The following GYS1 variants were observed in gnomAD, a reference collection of about 807,000 sequenced individuals.
GYS1 encodes the protein glycogen [starch] synthase, muscle.
In GYS1, 60 loss-of-function variants were observed where a neutral mutation model predicts 89.1. The ratio of observed to expected loss-of-function variants is 0.67; its 90% confidence interval spans 0.55 to 0.84. The LOEUF (loss-of-function observed/expected upper bound fraction) is 0.84. Among genes scored for constraint, GYS1 ranks in the 40% least tolerant of loss-of-function variants. The probability of loss-of-function intolerance (pLI) is 0.00; values close to 1 mark genes in which losing one functional copy is unlikely to be tolerated. For missense variants in GYS1, 888 were observed against 1,003.1 expected (o/e 0.89, Z 1.55); for synonymous variants, 366 against 401.7 (o/e 0.91, Z 1.06).
chr19:48,985,861 T>C lies in GYS1; in HGVS notation c.667A>G (p.Asn223Asp). 1 of 1,613,402 alleles carries C rather than the reference T, an allele frequency of 6.2e-7. No individual in the cohort carries two copies. Among genetic ancestry groups the C allele is most frequent in the South Asian group, 1.1e-5 (1 of 91,046 alleles). Residue 223 changes from asparagine (N) to aspartate (D), a missense_variant, in exon 4 of 16, where the codon AAC (asparagine) becomes GAC (aspartate). By Grantham distance (23) the Asn-to-Asp change is conservative (BLOSUM62 1). Coordinates refer to ENST00000323798, the MANE Select transcript of GYS1 (RefSeq NM_002103.5). The part of the protein sequence containing the change: ...LCAGAVDFYN[N>D]LENFNVDKEA... ...CGGTCCCAGCTCACGTTCTCCAGGTTGTTGTAGAAGTCCACGGCACCGGCA... is the reference window on the plus strand; with the variant it reads ...CGGTCCCAGCTCACGTTCTCCAGGTCGTTGTAGAAGTCCACGGCACCGGCA...
intron 12 of GYS1, among the ~76,000 whole-genome samples, chr19:48,973,505 A>ATTTTT (rs34032782): frequency 4.1e-5 from 5 of 120,606 alleles, no homozygotes; most frequent in South Asian, 2.6e-4. Context: ...TTTAGCTTTA[A>ATTTTT]TTTTTTTTTT....
At chr19:48,988,105 T>C (rs924825942) in intron 2 of GYS1, among the ~76,000 whole-genome samples, 3 of 152,142 alleles carry the variant, frequency 2.0e-5, no homozygotes, top group Non-Finnish European at 4.4e-5. Flanking sequence ...CCCAGCCTCC[T>C]GTTTAATTCC....
intron 10 of GYS1, among the ~76,000 whole-genome samples, chr19:48,975,238 T>TTTA (rs1568618530): frequency 1.3e-5 from 2 of 150,636 alleles, no homozygotes; most frequent in South Asian, 2.1e-4. Context: ...GCCTAATTTT[T>TTTA]TTTTTTTTTT....
In GYS1 at chr19:48,981,460, G is replaced by C. The variant is rs1600142876; in HGVS notation, c.1169+70C>G. 9 of 860,822 alleles carry C rather than the reference G, an allele frequency of 1.0e-5. No individual in the cohort carries two copies. The Admixed American group carries it at 1.4e-4, about 13-fold the overall frequency. 53.3% of individuals were successfully genotyped at this position (860,822 alleles called of 1,614,324 possible). On this transcript the variant is annotated intron_variant, in intron 8 of 15. Coordinates refer to ENST00000323798, the MANE Select transcript of GYS1 (RefSeq NM_002103.5). Reference sequence around the variant, plus strand: ...ACAAAACAAAAAACTGAGACTCTAGGAGAAACACAGGACCCAAAGCATGCA... The same window carrying C: ...ACAAAACAAAAAACTGAGACTCTAGCAGAAACACAGGACCCAAAGCATGCA...
chr19:48,987,145 T>C (rs2038853953), intron 3 of GYS1, 49 bp downstream of exon 3: 2 of 1,331,002 alleles, frequency 1.5e-6, no homozygotes, highest in Non-Finnish European at 2.2e-6. Context: ...CAGGGGCTGA[T>C]GGTCATTGTA....
chr19:48,973,278 A>T (rs76389034), intron 12 of GYS1, among the ~76,000 whole-genome samples: 5,131 of 152,020 alleles, frequency 0.034, 287 homozygotes, highest in African/African-American at 0.12. Flanking sequence ...AGACATGTGG[A>T]ACGGTGAGTC....
Position 48,984,918 on chromosome 19 carries a change from TTTG to T in GYS1, c.823+540_823+542del, listed in dbSNP as rs561115759. On this transcript the variant is annotated intron_variant, in intron 5 of 15. Coordinates refer to ENST00000323798, the MANE Select transcript of GYS1 (RefSeq NM_002103.5). ...ATAAATAAAAATAAAATAAAACAGA[TTTG>T]TATTGGATGATTTTGCCCAGTCGTA... is the stretch of plus-strand genomic sequence containing the variant. 2.4e-3 allele frequency among the ~76,000 whole-genome samples: 356 copies of T among 150,746 alleles called. 1 individual carries two copies. Among genetic ancestry groups the T allele is most frequent in the Non-Finnish European group, 2.0e-3 (136 of 67,914 alleles).
chr19:48,968,205 C>T lies in GYS1; in HGVS notation c.*1083G>A, dbSNP rs1159996434. The stretch of plus-strand genomic sequence containing the variant: ...TCACACCCCTCCTGCCCTCCCCTCT[C>T]AACTGCAAACCAAGCGGTGCAGACA... On this transcript the variant is annotated 3_prime_UTR_variant, in exon 16 of 16. Transcript: ENST00000323798. The T allele has an allele frequency of 2.2e-6, 1 of 454,232 alleles. No individual in the cohort carries two copies. The highest frequency in any genetic ancestry group is 2.0e-5 in the African/African-American group (1 of 50,142). 28.1% of individuals were successfully genotyped at this position (454,232 alleles called of 1,614,324 possible).
intron 12 of GYS1, 136 bp downstream of exon 12, chr19:48,974,077 G>C: frequency 1.1e-6 from 1 of 928,674 alleles, no homozygotes; most frequent in Non-Finnish European, 1.7e-6. Context: ...ACGCGCTGTA[G>C]CAGAACAGGT....
At position 48,991,575 on chromosome 19, in the gene GYS1, A is replaced by G. The variant is rs755972882; in HGVS notation, c.119-92T>C. ...TGGGCCGGGGATGTAGGGGGCACTC[A>G]GGCCCCAGACCTCTAGCTCAGGGGG... On this transcript the variant is annotated intron_variant, in intron 1 of 15. Transcript: ENST00000323798. The surrounding 1 kb of genome is among the most constrained non-coding windows in gnomAD (Gnocchi z 4.7). The G allele has an allele frequency of 1.2e-5, 16 of 1,370,358 alleles. No homozygotes were observed. The Admixed American group carries it at 1.5e-4, about 13-fold the overall frequency. 84.9% of individuals were successfully genotyped at this position (1,370,358 alleles called of 1,614,324 possible).
chr19:48,985,225 CAG>C (rs1457149753), intron 5 of GYS1, among the ~76,000 whole-genome samples: 5 of 152,054 alleles, frequency 3.3e-5, no homozygotes, highest in African/African-American at 1.2e-4. Context: ...ATATTTTAGA[CAG>C]GGATTCGCCA....
intron 8 of GYS1, chr19:48,981,319 A>T: frequency 1.8e-6 from 1 of 561,722 alleles, no homozygotes; most frequent in Admixed American, 2.7e-5. Flanking sequence ...AGGCTGAGGC[A>T]GATGACTTGC....
At chr19:48,969,712 C>A in intron 15 of GYS1, 63 bp downstream of exon 15, 2 of 1,579,792 alleles carry the variant, frequency 1.3e-6, no homozygotes, top group Non-Finnish European at 1.7e-6. Flanking sequence ...CAGGAGGGAC[C>A]CCCACCCCAC....
At chr19:48,978,641 C>T (rs2038699652) in intron 8 of GYS1, among the ~76,000 whole-genome samples, 1 of 152,040 alleles carries the variant, frequency 6.6e-6, no homozygotes, top group African/African-American at 2.4e-5. Context: ...AAGCAATTCT[C>T]CTGCCTCAGC....
Position 48,987,399 on chromosome 19 carries a change from G to T in GYS1, c.301-14C>A. On this transcript the variant is annotated splice_polypyrimidine_tract_variant and intron_variant, in intron 2 of 15. Transcript: ENST00000323798. ...CCCGAAATACACCTGGGATGGGGTT[G>T]GGGAGGCACCATAGGGAGGCTCTGG... is the stretch of plus-strand genomic sequence containing the variant. The T allele has an allele frequency of 6.3e-7, 1 of 1,575,088 alleles. No homozygotes were observed. Among genetic ancestry groups the T allele is most frequent in the Admixed American group, 1.8e-5 (1 of 55,096 alleles).
Position 48,991,653 on chromosome 19 carries a change from G to T in GYS1, c.119-170C>A. On this transcript the variant is annotated intron_variant, in intron 1 of 15. Transcript: ENST00000323798. The surrounding 1 kb of genome is among the most constrained non-coding windows in gnomAD (Gnocchi z 4.7). ...GAGTAGGGGTTGGAAGCTTGGATGA[G>T]GGGAACACGAGGGCTGGAGGGCAGT... 1.5e-6 allele frequency: 1 copy of T among 687,420 alleles called. No homozygotes were observed. Among genetic ancestry groups the T allele is most frequent in the Non-Finnish European group, 2.5e-6 (1 of 403,026 alleles). 42.6% of individuals were successfully genotyped at this position (687,420 alleles called of 1,614,324 possible).
In GYS1 at chr19:48,991,436, C is replaced by T; in HGVS notation, c.166G>A (p.Asp56Asn). ...VLQTKAKVTG[D>N]EWGDNYFLVG... ...AGGAAGTAGTTGTCGCCCCATTCGTCCCCTGTCACCTTCGCCTTCGTCTGC... is the reference window on the plus strand; with the variant it reads ...AGGAAGTAGTTGTCGCCCCATTCGTTCCCTGTCACCTTCGCCTTCGTCTGC... The change falls in exon 2 of 16, where the codon GAC becomes AAC. Residue 56 changes from aspartate to asparagine, a missense_variant. By Grantham distance (23) the Asp-to-Asn change is conservative. Coordinates refer to ENST00000323798, the MANE Select transcript of GYS1 (RefSeq NM_002103.5). This position sits in a 1 kb window ranked among gnomAD's most constrained non-coding sequence, Gnocchi z 4.7. The T allele has an allele frequency of 6.2e-7, 1 of 1,614,094 alleles. No individual in the cohort carries two copies. Among genetic ancestry groups the T allele is most frequent in the East Asian group, 2.2e-5 (1 of 44,892 alleles).
At chr19:48,970,145 C>G (rs1027696894) in intron 14 of GYS1, 2 of 507,516 alleles carry the variant, frequency 3.9e-6, no homozygotes, top group South Asian at 2.1e-5. Context: ...TCTTTTTAAA[C>G]ACGGTCTTGT....
chr19:48,973,615 G>A (rs1036960619), intron 12 of GYS1, among the ~76,000 whole-genome samples: 14 of 148,830 alleles, frequency 9.4e-5, no homozygotes, highest in African/African-American at 3.2e-4. Flanking sequence ...CGCCTCCCAA[G>A]TTCAAGCAAT....
Sources: allele counts gnomAD v4.1 joint callset (sites outside exome capture counted in the v4.1 genomes callset), GRCh38; gene constraint gnomAD v4.1.1; non-coding constraint Gnocchi (gnomAD v3.1); transcripts MANE v1.5; gene names NCBI Gene and HGNC (gene_info 2026-07-23, HGNC 2026-07-21).